CEP128: variants seen among roughly 807,000 people sequenced by gnomAD.
The protein encoded by CEP128 is centrosomal protein 128kDa.
CEP128 carries 132 observed loss-of-function variants against 156.7 expected under a neutral mutation model. That is an observed-to-expected ratio of 0.84 (90% CI 0.73 to 0.97). The LOEUF (loss-of-function observed/expected upper bound fraction) is 0.97. Among genes scored for constraint, CEP128 ranks in the 50% least tolerant of loss-of-function variants. The pLI, the probability that CEP128 is intolerant of heterozygous loss-of-function variation, is 0.00. For missense variants in CEP128, 1,252 were observed against 1,281.9 expected (o/e 0.98, Z 0.36); for synonymous variants, 469 against 448.9 (o/e 1.04, Z -0.57).
At chr14:80,553,533 C>T (rs1890301485) in intron 21 of CEP128, among the ~76,000 whole-genome samples, 1 of 152,120 alleles carries the variant, frequency 6.6e-6, no homozygotes, top group South Asian at 2.1e-4. Context: ...AAGACAACAC[C>T]ATTTTAATTT....
chr14:80,506,795 A>G (rs1200871614), intron 23 of CEP128, among the ~76,000 whole-genome samples: 2 of 152,216 alleles, frequency 1.3e-5, no homozygotes, highest in African/African-American at 2.4e-5. Context: ...AGGCACGAAC[A>G]TAATCCTCAG....
intron 21 of CEP128, among the ~76,000 whole-genome samples, chr14:80,541,295 T>A (rs1411942100): frequency 2.0e-5 from 3 of 151,172 alleles, no homozygotes; most frequent in Non-Finnish European, 4.4e-5. Flanking sequence ...CTGGAAAGAG[T>A]ATGGAGAAAA....
chr14:80,623,305 G>C, intron 19 of CEP128, among the ~76,000 whole-genome samples: 1 of 129,054 alleles, frequency 7.7e-6, no homozygotes. Flanking sequence ...TCTGGGGACT[G>C]TTGTGGGGTG....
Position 80,804,222 on chromosome 14 carries a change from CAATT to C in CEP128, c.1210-11116_1210-11113del, listed in dbSNP as rs530831901. 5.8e-3 allele frequency among the ~76,000 whole-genome samples: 882 copies of C among 152,036 alleles called. 7 individuals carry two copies. Among genetic ancestry groups the C allele is most frequent in the Middle Eastern group, 0.014 (4 of 292 alleles). On this transcript the variant is annotated intron_variant, in intron 13 of 24. Transcript: ENST00000555265. ...TGTTTATAAAACTTTGGTATGCACACAATTAATTACAATATTTCTTATATAAAAA... is the reference window on the plus strand; with the variant it reads ...TGTTTATAAAACTTTGGTATGCACACAATTACAATATTTCTTATATAAAAA...
At chr14:80,677,508 C>CA (rs57636757) in intron 19 of CEP128, among the ~76,000 whole-genome samples, 2,163 of 94,046 alleles carry the variant, frequency 0.023, 85 homozygotes, top group African/African-American at 0.071. Flanking sequence ...GACTCCGTCT[C>CA]AAAAAAAAAA....
chr14:80,938,638 G>C (rs993402983), intron 2 of CEP128, among the ~76,000 whole-genome samples: 3 of 151,912 alleles, frequency 2.0e-5, no homozygotes, highest in African/African-American at 7.3e-5. Flanking sequence ...TCCAAAAAAA[G>C]GTCCAGAATT....
At chr14:80,759,907 G>GT (rs1899872010) in intron 17 of CEP128, among the ~76,000 whole-genome samples, 2 of 150,252 alleles carry the variant, frequency 1.3e-5, no homozygotes, top group African/African-American at 4.9e-5. Flanking sequence ...CATATATATA[G>GT]GTGTGTGTGT....
chr14:80,677,382 C>T (rs943918552), intron 19 of CEP128, among the ~76,000 whole-genome samples: 1 of 151,724 alleles, frequency 6.6e-6, no homozygotes, highest in Non-Finnish European at 1.5e-5. Context: ...GTGGTGACTG[C>T]CTGTGGTGCC....
At chr14:80,685,345 C>T (rs1044958080) in intron 19 of CEP128, among the ~76,000 whole-genome samples, 1 of 151,632 alleles carries the variant, frequency 6.6e-6, no homozygotes, top group African/African-American at 2.4e-5. Context: ...ATCCCATTTA[C>T]AACAGCCATG....
intron 18 of CEP128, among the ~76,000 whole-genome samples, chr14:80,754,204 T>C (rs938187655): frequency 6.6e-6 from 1 of 152,240 alleles, no homozygotes; most frequent in African/African-American, 2.4e-5. Flanking sequence ...CTCTGTGTCA[T>C]ACCTTCATAT....
rs1566880852 is a variant in CEP128 at position 80,729,055 on chromosome 14, GGGGGTGTGTGTGTGT to G, written c.2806+14005_2806+14019del. ...TGCCCTAGTCCCAGGCTGGGCTGGT[GGGGGTGTGTGTGTGT>G]GTGTGTGTGTGTGTGTGTGTGTGTG... is the stretch of plus-strand genomic sequence containing the variant. On this transcript the variant is annotated intron_variant, in intron 19 of 24. Transcript: ENST00000555265. Among the ~76,000 whole-genome samples the G allele has an allele frequency of 1.3e-4, 12 of 89,930 alleles. 1 individual carries two copies. The highest frequency in any genetic ancestry group is 1.1e-3 in the Admixed American group (9 of 8,304). The allele number at this position is 89,930 out of a possible 152,430, so 59.0% of individuals were successfully genotyped here. A position where few individuals can be genotyped will look rare whatever the true frequency, so the allele number is the denominator to read the frequency against.
chr14:80,903,278 T>C (rs929947494), intron 6 of CEP128, among the ~76,000 whole-genome samples: 3 of 152,106 alleles, frequency 2.0e-5, no homozygotes, highest in African/African-American at 4.8e-5. Context: ...CCTCAATAAA[T>C]TGTGTTGACA....
intron 2 of CEP128, among the ~76,000 whole-genome samples, chr14:80,919,287 T>C (rs1884724931): frequency 2.0e-5 from 3 of 152,264 alleles, no homozygotes; most frequent in Non-Finnish European, 4.4e-5. Context: ...AGTTTCAACA[T>C]GACTAAAAAT....
At chr14:80,582,171 T>C (rs948355343) in intron 19 of CEP128, among the ~76,000 whole-genome samples, 3 of 152,168 alleles carry the variant, frequency 2.0e-5, no homozygotes, top group Non-Finnish European at 4.4e-5. Flanking sequence ...CCAGTTGATC[T>C]AAGGATGACT....
intron 21 of CEP128, among the ~76,000 whole-genome samples, chr14:80,546,305 G>C (rs1889982338): frequency 6.6e-6 from 1 of 152,162 alleles, no homozygotes; most frequent in East Asian, 1.9e-4. Context: ...TAGGAAACAG[G>C]CTTGGAGAGG....
chr14:80,488,191 G>A (rs1299142747), downstream of CEP128, among the ~76,000 whole-genome samples: 4 of 55,316 alleles, frequency 7.2e-5, 1 homozygote, highest in Non-Finnish European at 1.9e-4. Flanking sequence ...TGATAAAGGG[G>A]ATATCACCTC....
At chr14:80,946,842 A>G (rs956898617) in intron 2 of CEP128, among the ~76,000 whole-genome samples, 4 of 152,182 alleles carry the variant, frequency 2.6e-5, no homozygotes, top group African/African-American at 7.2e-5. Flanking sequence ...TGGAATTGCA[A>G]TCCCTAATGT....
At chr14:80,549,181 T>C (rs998675914) in intron 21 of CEP128, among the ~76,000 whole-genome samples, 8 of 152,246 alleles carry the variant, frequency 5.3e-5, no homozygotes, top group African/African-American at 1.9e-4. Context: ...CATGAGAGAT[T>C]CATGAGGATA....
intron 4 of CEP128, among the ~76,000 whole-genome samples, chr14:80,909,584 T>C (rs1490690024): frequency 1.3e-5 from 2 of 152,074 alleles, no homozygotes; most frequent in African/African-American, 4.8e-5. Context: ...GTCCAAAAAA[T>C]AAAATTACGT....
Sources: gnomAD v4.1 joint callset for allele counts (sites outside exome capture counted in the v4.1 genomes callset) on GRCh38, gnomAD v4.1.1 for gene constraint, MANE v1.5 for transcripts, NCBI Gene and HGNC (gene_info 2026-07-23, HGNC 2026-07-21) for gene names.